The following NT5DC1 variants were observed in gnomAD, a reference collection of about 807,000 sequenced individuals.
The protein encoded by NT5DC1 is 5'-nucleotidase domain containing 1, also known as 5'-nucleotidase domain-containing protein 1.
Under a neutral mutation model 59.4 loss-of-function variants are expected in NT5DC1, and 42 were observed. The observed-to-expected ratio is 0.71, with a 90% CI of 0.55 to 0.92. NT5DC1 has a LOEUF of 0.92. Among genes scored for constraint, NT5DC1 ranks in the 40% least tolerant of loss-of-function variants. The pLI is 0.00. For synonymous variants in NT5DC1, 172 were observed against 188.1 expected, an observed-to-expected ratio of 0.91 and a Z score of 0.70; for missense variants, 501 against 537.1, an observed-to-expected ratio of 0.93 and a Z score of 0.66.
At chr6:116,156,811 T>C (rs959003402) in intron 6 of NT5DC1, among the ~76,000 whole-genome samples, 1 of 152,106 alleles carries the variant, frequency 6.6e-6, no homozygotes, top group African/African-American at 2.4e-5. Flanking sequence ...CAGATAGCAA[T>C]AATTTTGTGC....
intron 6 of NT5DC1, among the ~76,000 whole-genome samples, chr6:116,188,473 C>T (rs12526817): frequency 0.21 from 31,996 of 151,654 alleles, 3,531 homozygotes; most frequent in East Asian, 0.27. Context: ...GAAAATGAAG[C>T]TTTATGAACA....
At chr6:116,176,707 C>A (rs1324183608) in intron 6 of NT5DC1, among the ~76,000 whole-genome samples, 1 of 152,158 alleles carries the variant, frequency 6.6e-6, no homozygotes, top group Non-Finnish European at 1.5e-5. Context: ...ACTTGCTGCC[C>A]TTCCTCCAGC....
intron 4 of NT5DC1, among the ~76,000 whole-genome samples, chr6:116,113,404 T>G (rs941963341): frequency 6.6e-6 from 1 of 152,252 alleles, no homozygotes; most frequent in South Asian, 2.1e-4. Context: ...TGTGTAAAAC[T>G]TAATGGTTAT....
At chr6:116,241,740 G>A (rs942579256) in intron 11 of NT5DC1, among the ~76,000 whole-genome samples, 1 of 151,698 alleles carries the variant, frequency 6.6e-6, no homozygotes, top group Non-Finnish European at 1.5e-5. Context: ...TGGCTAACAC[G>A]GTGAAACCCC....
At chr6:116,200,838 G>T (rs1582870023) in intron 6 of NT5DC1, among the ~76,000 whole-genome samples, 1 of 151,970 alleles carries the variant, frequency 6.6e-6, no homozygotes, top group African/African-American at 2.4e-5. Context: ...TCCTGTGGCA[G>T]ACCATGTTTA....
chr6:116,154,364 G>A (rs1227770103), intron 6 of NT5DC1, among the ~76,000 whole-genome samples: 1 of 152,002 alleles, frequency 6.6e-6, no homozygotes, highest in African/African-American at 2.4e-5. Flanking sequence ...ACCGTCCATG[G>A]TCACCCAGTT....
At chr6:116,185,899 T>G (rs1222575130) in intron 6 of NT5DC1, among the ~76,000 whole-genome samples, 1 of 152,100 alleles carries the variant, frequency 6.6e-6, no homozygotes, top group African/African-American at 2.4e-5. Flanking sequence ...TACTATTCTA[T>G]TCATCCTGCA....
chr6:116,205,816 T>C (rs1781439493), intron 6 of NT5DC1, among the ~76,000 whole-genome samples: 2 of 152,008 alleles, frequency 1.3e-5, no homozygotes, highest in South Asian at 2.1e-4. Context: ...GAATGTGTAA[T>C]GAAAAAATCA....
At chr6:116,188,706 C>CT (rs35593541) in intron 6 of NT5DC1, among the ~76,000 whole-genome samples, 73,909 of 146,146 alleles carry the variant, frequency 0.51, 19,138 homozygotes, top group African/African-American at 0.67. Context: ...AAATTTTCTA[C>CT]TTTTTTTTTT....
chr6:116,223,776 A>C (rs1400134376), intron 8 of NT5DC1, among the ~76,000 whole-genome samples: 4 of 152,238 alleles, frequency 2.6e-5, no homozygotes, highest in African/African-American at 4.8e-5. Context: ...AGTAGTTTCA[A>C]ATAAGCTCAA....
chr6:116,139,931 C>G (rs915256353), intron 6 of NT5DC1, among the ~76,000 whole-genome samples: 3 of 152,118 alleles, frequency 2.0e-5, no homozygotes, highest in Non-Finnish European at 4.4e-5. Context: ...ACTTTGTGTT[C>G]AGATTGGACT....
chr6:116,134,306 T>G (rs1396092172), intron 6 of NT5DC1, among the ~76,000 whole-genome samples: 1 of 152,052 alleles, frequency 6.6e-6, no homozygotes, highest in Non-Finnish European at 1.5e-5. Flanking sequence ...TGTAGACTCA[T>G]GGAGATAAAC....
chr6:116,177,968 A>G (rs1475447959), intron 6 of NT5DC1, among the ~76,000 whole-genome samples: 2 of 151,452 alleles, frequency 1.3e-5, no homozygotes, highest in Non-Finnish European at 2.9e-5. Flanking sequence ...AAATACCACT[A>G]CCTTTCACTG....
At chr6:116,179,921 A>C (rs1780837375) in intron 6 of NT5DC1, among the ~76,000 whole-genome samples, 1 of 152,152 alleles carries the variant, frequency 6.6e-6, no homozygotes, top group African/African-American at 2.4e-5. Context: ...CTCTGAAGCA[A>C]GTTCACATTT....
chr6:116,126,859 A>G (rs73772263), intron 6 of NT5DC1, among the ~76,000 whole-genome samples: 3,353 of 152,286 alleles, frequency 0.022, 134 homozygotes, highest in African/African-American at 0.077. Context: ...CTTAAAAAAA[A>G]TATTATTGGC....
chr6:116,214,690 C>A (rs1781655778), intron 6 of NT5DC1, among the ~76,000 whole-genome samples: 4 of 152,120 alleles, frequency 2.6e-5, no homozygotes, highest in South Asian at 4.1e-4. Flanking sequence ...TACCAAAAGT[C>A]TGTTTTTGAA....
At chr6:116,161,191 TGGGGTGG>T (rs1780320525) in intron 6 of NT5DC1, among the ~76,000 whole-genome samples, 1 of 83,176 alleles carries the variant, frequency 1.2e-5, no homozygotes, top group Admixed American at 1.9e-4. Flanking sequence ...GGGACTGTTG[TGGGGTGG>T]GGGGAGGGGG....
intron 6 of NT5DC1, among the ~76,000 whole-genome samples, chr6:116,142,626 A>G (rs1460575347): frequency 6.6e-6 from 1 of 152,196 alleles, no homozygotes; most frequent in African/African-American, 2.4e-5. Flanking sequence ...GTCTTCAGCG[A>G]GCTGGGCATC....
At chr6:116,102,135 C>T (rs1285395297) in intron 1 of NT5DC1, among the ~76,000 whole-genome samples, 1 of 152,228 alleles carries the variant, frequency 6.6e-6, no homozygotes, top group East Asian at 1.9e-4. Context: ...ACCACCCAAA[C>T]TATTTGGAAA....
Sources: gnomAD v4.1 joint callset for allele counts (sites outside exome capture counted in the v4.1 genomes callset) on GRCh38, gnomAD v4.1.1 for gene constraint, MANE v1.5 for transcripts, NCBI Gene and HGNC (gene_info 2026-07-23, HGNC 2026-07-21) for gene names.